Variants in MTR observed in about 807,000 individuals in gnomAD.
MTR encodes 5-methyltetrahydrofolate-homocysteine methyltransferase, also known as methionine synthase.
Under a neutral mutation model 154.8 loss-of-function variants are expected in MTR, and 84 were observed. The observed-to-expected ratio is 0.54, with a 90% confidence interval of 0.45 to 0.65. The LOEUF is 0.65. MTR is among the 30% of genes least tolerant of loss of function. The pLI, the probability that MTR is intolerant of heterozygous loss-of-function variation, is 0.00. For missense variants in MTR, 1,275 were observed against 1,570.2 expected, an observed-to-expected ratio of 0.81 and a Z score of 3.18; for synonymous variants, 554 against 553.9, an observed-to-expected ratio of 1.00 and a Z score of 0.00.
chr1:236,881,428 G>A (rs774105831), intron 25 of MTR, among the ~76,000 whole-genome samples: 2 of 152,152 alleles, frequency 1.3e-5, no homozygotes, highest in Non-Finnish European at 2.9e-5. Context: ...CCGAGAGGCA[G>A]TGTGGTCCAG....
chr1:236,797,302 C>G (rs750923222), intron 1 of MTR, among the ~76,000 whole-genome samples: 2 of 152,158 alleles, frequency 1.3e-5, no homozygotes, highest in Non-Finnish European at 2.9e-5. Context: ...TAATGGAGAG[C>G]TGGGAATTCC....
chr1:236,874,171 G>A (rs1422490215), intron 23 of MTR, among the ~76,000 whole-genome samples: 2 of 152,188 alleles, frequency 1.3e-5, no homozygotes, highest in African/African-American at 4.8e-5. Flanking sequence ...TTATTGCATC[G>A]TTTCCTAAAA....
intron 25 of MTR, among the ~76,000 whole-genome samples, chr1:236,883,806 T>C (rs1665880548): frequency 6.6e-6 from 1 of 152,164 alleles, no homozygotes; most frequent in South Asian, 2.1e-4. Flanking sequence ...AAAACCCACA[T>C]AGAGTTATAG....
chr1:236,849,172 T>G (rs1318839765), intron 15 of MTR, among the ~76,000 whole-genome samples: 3 of 152,218 alleles, frequency 2.0e-5, no homozygotes, highest in Non-Finnish European at 4.4e-5. Flanking sequence ...AAATTTGATC[T>G]GAAGACAGTT....
chr1:236,826,769 G>A, intron 10 of MTR, 60 bp from the exon 11 acceptor site: 1 of 1,344,752 alleles, frequency 7.4e-7, no homozygotes, highest in Non-Finnish European at 1.1e-6. Flanking sequence ...TGTTGAATTG[G>A]TGGTAATGAG....
At chr1:236,874,684 C>T (rs1665330254) in intron 23 of MTR, 42 bp from the exon 24 acceptor site, 4 of 1,475,756 alleles carry the variant, frequency 2.7e-6, no homozygotes, top group South Asian at 1.3e-5. Context: ...ATCTTCCTCA[C>T]TGTCCTTTTT....
At chr1:236,797,830 C>T (rs1054485849) in intron 1 of MTR, among the ~76,000 whole-genome samples, 2 of 151,620 alleles carry the variant, frequency 1.3e-5, no homozygotes, top group African/African-American at 2.4e-5. Flanking sequence ...TTATAGTGAG[C>T]GCCTATAACC....
chr1:236,852,357 C>T (rs183228833), intron 16 of MTR, among the ~76,000 whole-genome samples, 164 bp from the exon 17 acceptor site: 92 of 152,070 alleles, frequency 6.0e-4, no homozygotes, highest in Admixed American at 1.5e-3. Flanking sequence ...TACTGTAATA[C>T]GGCAAGCTTT....
At chr1:236,865,800 C>T (rs752945385) in intron 22 of MTR, among the ~76,000 whole-genome samples, 1 of 151,724 alleles carries the variant, frequency 6.6e-6, no homozygotes, top group Non-Finnish European at 1.5e-5. Context: ...TCTTTGTCAC[C>T]TTTTTGTTGT....
chr1:236,889,135 G>T, intron 27 of MTR, 46 bp from the exon 28 acceptor site: 2 of 1,612,324 alleles, frequency 1.2e-6, no homozygotes, highest in Non-Finnish European at 8.5e-7. Flanking sequence ...CCTCCATCAG[G>T]CAGGGTGCCA....
chr1:236,875,689 G>T (rs1248752385), intron 24 of MTR, among the ~76,000 whole-genome samples: 1 of 152,086 alleles, frequency 6.6e-6, no homozygotes, highest in Non-Finnish European at 1.5e-5. Context: ...TACAATAAAG[G>T]TCTGGTTCCA....
chr1:236,838,883 A>C (rs145701516), intron 15 of MTR, among the ~76,000 whole-genome samples: 232 of 152,334 alleles, frequency 1.5e-3, no homozygotes, highest in African/African-American at 5.4e-3. Flanking sequence ...CCTACTACAC[A>C]CATAGGCTAG....
At chr1:236,883,163 T>C (rs1395001281) in intron 25 of MTR, among the ~76,000 whole-genome samples, 1 of 152,268 alleles carries the variant, frequency 6.6e-6, no homozygotes, top group Non-Finnish European at 1.5e-5. Context: ...TTACTCCCTC[T>C]TATTGTGTGG....
rs979000920 is a variant in MTR, at chr1:236,820,124, G to A, written c.764+3581G>A. On this transcript the variant is annotated intron_variant, in intron 8 of 32. Transcript: ENST00000366577. Reference sequence around the variant, plus strand: ...CGCTATGTGGACATTGCCATTGCATGCAACAAGGGAGCTCACTCGGTGGGT... The same window carrying A: ...CGCTATGTGGACATTGCCATTGCATACAACAAGGGAGCTCACTCGGTGGGT... The A allele has an allele frequency of 2.7e-5, 21 of 766,672 alleles. No individual in the cohort carries two copies. The African/African-American group carries it at 3.4e-4, about 12-fold the overall frequency. The allele number at this position is 766,672 out of a possible 1,614,324, so 47.5% of individuals were successfully genotyped here. A position where few individuals can be genotyped will look rare whatever the true frequency, so the allele number is the denominator to read the frequency against.
At chr1:236,863,064 T>A (rs1007488778) in intron 21 of MTR, among the ~76,000 whole-genome samples, 4 of 152,338 alleles carry the variant, frequency 2.6e-5, no homozygotes, top group African/African-American at 9.6e-5. Context: ...TTGTGGTTTT[T>A]CAGATTCAGA....
At chr1:236,797,600 G>A (rs1022706194) in intron 1 of MTR, among the ~76,000 whole-genome samples, 8 of 152,000 alleles carry the variant, frequency 5.3e-5, no homozygotes, top group Admixed American at 1.3e-4. Flanking sequence ...ATTCTTCTCC[G>A]GCTTATTAAA....
chr1:236,795,800 A>C (rs1465256167), intron 1 of MTR, 63 bp downstream of exon 1: 1 of 1,611,178 alleles, frequency 6.2e-7, no homozygotes, highest in South Asian at 1.1e-5. Context: ...GTGGCCTCCT[A>C]ATCCCTGGGG....
rs764859650 is a variant in MTR, at chr1:236,853,021, A to G, written c.1886A>G (p.Gln629Arg). 6.2e-7 allele frequency: 1 copy of G among 1,614,104 alleles called. No homozygotes were observed. Among genetic ancestry groups the G allele is most frequent in the Admixed American group, 1.7e-5 (1 of 60,002 alleles). ...GATGATATCCATAAGGAACTTCTGC[A>G]GCTCTGTGAAGATCTCATCTGGAAT... ...VYDDIHKELLQLCEDLIWNKD... is the reference protein window; with the variant it reads ...VYDDIHKELLRLCEDLIWNKD... The change falls in exon 18 of 33, where the codon CAG becomes CGG. Residue 629 changes from glutamine to arginine, a missense_variant. Physicochemically the swap from Gln to Arg is conservative, Grantham distance 43. Transcript: ENST00000366577.
At chr1:236,839,644 A>C (rs1663116147) in intron 15 of MTR, among the ~76,000 whole-genome samples, 1 of 152,180 alleles carries the variant, frequency 6.6e-6, no homozygotes, top group Admixed American at 6.5e-5. Context: ...ATAACTTTGT[A>C]TGAATATTTT....
Sources: allele counts gnomAD v4.1 joint callset (sites outside exome capture counted in the v4.1 genomes callset), GRCh38; gene constraint gnomAD v4.1.1; transcripts MANE v1.5; gene names NCBI Gene and HGNC (gene_info 2026-07-23, HGNC 2026-07-21).